Variants in FSTL4 observed in about 807,000 individuals in gnomAD.
FSTL4 encodes follistatin like 4, also known as follistatin-related protein 4.
Under a neutral mutation model 78.2 loss-of-function variants are expected in FSTL4, and 28 were observed. The ratio of observed to expected loss-of-function variants is 0.36; its 90% confidence interval spans 0.27 to 0.49. The LOEUF (loss-of-function observed/expected upper bound fraction) is 0.49. Ranked by LOEUF, FSTL4 falls within the 20% of genes least tolerant of loss-of-function variation. The pLI is 0.98. For missense variants in FSTL4, 922 were observed against 1,084.9 expected (o/e 0.85, Z 2.11); for synonymous variants, 422 against 440.5 (o/e 0.96, Z 0.53).
chr5:133,666,820 G>A, the FSTL4 span, among the ~76,000 whole-genome samples: 17 of 152,278 alleles, frequency 1.1e-4, no homozygotes, highest in African/African-American at 3.9e-4. Flanking sequence ...TTGTTCCCAT[G>A]TTGAAAAAGG....
At chr5:133,350,840 C>T (rs1374474511) in intron 4 of FSTL4, among the ~76,000 whole-genome samples, 1 of 152,148 alleles carries the variant, frequency 6.6e-6, no homozygotes, top group Non-Finnish European at 1.5e-5. Flanking sequence ...GAGGACATCC[C>T]CTCTCTTCCT....
chr5:133,383,825 A>G (rs1298460857), intron 4 of FSTL4, among the ~76,000 whole-genome samples: 2 of 152,120 alleles, frequency 1.3e-5, no homozygotes, highest in African/African-American at 4.8e-5. Context: ...AGACAAAAGT[A>G]TCCTTAGAAA....
chr5:133,376,681 G>A (rs1375840145), intron 4 of FSTL4, among the ~76,000 whole-genome samples: 1 of 152,052 alleles, frequency 6.6e-6, no homozygotes, highest in Non-Finnish European at 1.5e-5. Flanking sequence ...CTGAGGTCAG[G>A]AGTTTGAGAC....
the FSTL4 span, among the ~76,000 whole-genome samples, chr5:133,622,016 C>CT: frequency 6.6e-6 from 1 of 152,048 alleles, no homozygotes; most frequent in Non-Finnish European, 1.5e-5. Context: ...CTTTCTGTGG[C>CT]TTTTTTATGC....
chr5:133,722,512 A>C, the FSTL4 span, among the ~76,000 whole-genome samples: 1 of 152,158 alleles, frequency 6.6e-6, no homozygotes, highest in South Asian at 2.1e-4. Flanking sequence ...TGATTTCATT[A>C]AGTTGTCTAT....
At chr5:133,645,366 G>A in the FSTL4 span, among the ~76,000 whole-genome samples, 2 of 152,144 alleles carry the variant, frequency 1.3e-5, no homozygotes, top group African/African-American at 4.8e-5. Context: ...TCGAGTGTGT[G>A]GGCAAGTGTT....
chr5:133,218,651 G>T (rs1252827717), intron 12 of FSTL4, among the ~76,000 whole-genome samples: 1 of 152,180 alleles, frequency 6.6e-6, no homozygotes, highest in East Asian at 1.9e-4. Flanking sequence ...TGCCTTGGCT[G>T]TTCCTTTTGC....
intron 4 of FSTL4, among the ~76,000 whole-genome samples, chr5:133,347,301 C>G (rs903981973): frequency 6.6e-6 from 1 of 152,126 alleles, no homozygotes; most frequent in Non-Finnish European, 1.5e-5. Context: ...TAGTATGCTC[C>G]CTGGGCAGCG....
At chr5:133,627,226 C>T in the FSTL4 span, among the ~76,000 whole-genome samples, 29,229 of 148,130 alleles carry the variant, frequency 0.2, 3,246 homozygotes, top group African/African-American at 0.29. Context: ...AAGACATTCC[C>T]AAGACTGTGG....
At chr5:133,252,660 C>G (rs781753582) in intron 6 of FSTL4, among the ~76,000 whole-genome samples, 15 of 152,010 alleles carry the variant, frequency 9.9e-5, no homozygotes, top group Non-Finnish European at 1.8e-4. Flanking sequence ...TCCTGGGGCT[C>G]TAGATACAAG....
intron 6 of FSTL4, among the ~76,000 whole-genome samples, chr5:133,272,516 T>G (rs1439607326): frequency 6.6e-6 from 1 of 152,234 alleles, no homozygotes. Context: ...TTACTCAGCA[T>G]TATGTTTAAT....
intron 4 of FSTL4, among the ~76,000 whole-genome samples, chr5:133,328,546 G>A (rs1215199966): frequency 2.0e-5 from 3 of 152,124 alleles, no homozygotes; most frequent in Non-Finnish European, 4.4e-5. Context: ...AAGCTCTCCT[G>A]GTATTAAGAA....
chr5:133,276,926 G>C (rs780839065), intron 6 of FSTL4, among the ~76,000 whole-genome samples: 5 of 152,158 alleles, frequency 3.3e-5, no homozygotes, highest in Non-Finnish European at 7.3e-5. Context: ...GACATAGTTT[G>C]AAGCAAGCAG....
At chr5:133,634,364 T>C in the FSTL4 span, among the ~76,000 whole-genome samples, 5 of 150,662 alleles carry the variant, frequency 3.3e-5, no homozygotes, top group Admixed American at 3.3e-4. Flanking sequence ...GTCCTTTGGC[T>C]AGAGAAAACA....
chr5:133,241,972 C>G (rs1288226327), intron 7 of FSTL4, among the ~76,000 whole-genome samples: 2 of 151,972 alleles, frequency 1.3e-5, no homozygotes. Context: ...TTAGGAATTT[C>G]CTCCTGACAC....
At chr5:133,795,279 G>A in the FSTL4 span, among the ~76,000 whole-genome samples, 1 of 152,218 alleles carries the variant, frequency 6.6e-6, no homozygotes, top group Admixed American at 6.5e-5. Context: ...GGGGATAGTG[G>A]GGTGGTGCAG....
the FSTL4 span, among the ~76,000 whole-genome samples, chr5:133,803,581 C>T: frequency 6.6e-6 from 1 of 152,178 alleles, no homozygotes; most frequent in Non-Finnish European, 1.5e-5. Context: ...CTCTGCAAAC[C>T]CACTATTCAC....
At chr5:133,685,281 C>G in the FSTL4 span, among the ~76,000 whole-genome samples, 1 of 152,310 alleles carries the variant, frequency 6.6e-6, no homozygotes, top group East Asian at 1.9e-4. Flanking sequence ...ATGACAAACC[C>G]TTCCCCATTC....
At chr5:133,831,627 C>T in the FSTL4 span, among the ~76,000 whole-genome samples, 2 of 152,160 alleles carry the variant, frequency 1.3e-5, no homozygotes, top group East Asian at 3.8e-4. Context: ...GGAACAAGGG[C>T]CCTTATATCC....
Sources: allele counts gnomAD v4.1 joint callset (sites outside exome capture counted in the v4.1 genomes callset), GRCh38; gene constraint gnomAD v4.1.1; transcripts MANE v1.5; gene names NCBI Gene and HGNC (gene_info 2026-07-23, HGNC 2026-07-21).